PROSER1: variants seen among roughly 807,000 people sequenced by gnomAD.
The protein encoded by PROSER1 is proline and serine-rich protein 1.
PROSER1 carries 36 observed loss-of-function variants against 71.8 expected under a neutral mutation model. The observed-to-expected ratio is 0.50, with a 90% CI of 0.38 to 0.66. The LOEUF (loss-of-function observed/expected upper bound fraction) is 0.66, where lower values mean the gene tolerates loss of function less well. Among genes scored for constraint, PROSER1 ranks in the 30% least tolerant of loss-of-function variants. The pLI is 0.00. For synonymous variants in PROSER1, 490 were observed against 452.4 expected, an observed-to-expected ratio of 1.08 and a Z score of -1.06; for missense variants, 1,107 against 1,135.0, an observed-to-expected ratio of 0.98 and a Z score of 0.35.
chr13:39,027,989 T>A (rs981204341), intron 5 of PROSER1, among the ~76,000 whole-genome samples: 3 of 152,120 alleles, frequency 2.0e-5, no homozygotes, highest in African/African-American at 7.2e-5. Flanking sequence ...AACATTTCCA[T>A]GAGGCTCAAG....
In PROSER1 at chr13:39,029,381, G is replaced by T. The variant is rs762776630; in HGVS notation, c.181-6C>A. On this transcript the variant is annotated splice_region_variant and splice_polypyrimidine_tract_variant and intron_variant, in intron 3 of 12. Transcript: ENST00000352251. ...GGCTGGACAGCCACCATTTTCTGTT[G>T]ATATAAAAAATAATTTTATTTTTAA... 1.4e-6 allele frequency: 2 copies of T among 1,395,576 alleles called. No homozygotes were observed. The highest frequency in any genetic ancestry group is 1.9e-6 in the Non-Finnish European group (2 of 1,055,240). 86.4% of individuals were successfully genotyped at this position (1,395,576 alleles called of 1,614,324 possible). A position where few individuals can be genotyped will look rare whatever the true frequency, so the allele number is the denominator to read the frequency against.
intron 5 of PROSER1, among the ~76,000 whole-genome samples, chr13:39,027,469 C>G (rs146682049): frequency 6.8e-4 from 103 of 152,190 alleles, no homozygotes; most frequent in African/African-American, 2.4e-3. Context: ...GTGACACGAT[C>G]GGAACACTTC....
At chr13:39,019,839 C>A (rs534549527) in intron 9 of PROSER1, among the ~76,000 whole-genome samples, 1 of 151,584 alleles carries the variant, frequency 6.6e-6, no homozygotes, top group Non-Finnish European at 1.5e-5. Flanking sequence ...AAAAGTCTAA[C>A]AGGTTTAAAA....
chr13:39,036,433 A>G (rs1049350567), intron 1 of PROSER1, among the ~76,000 whole-genome samples: 9 of 152,210 alleles, frequency 5.9e-5, no homozygotes, highest in Admixed American at 1.3e-4. Flanking sequence ...TGACGAAAGA[A>G]TAATTGCCCG....
chr13:39,025,177 G>C (rs750949584), intron 6 of PROSER1, among the ~76,000 whole-genome samples: 8 of 152,108 alleles, frequency 5.3e-5, no homozygotes, highest in Non-Finnish European at 1.2e-4. Context: ...AGAAAAAATG[G>C]TGTTCTCTAT....
Position 39,037,429 on chromosome 13 carries a change from A to G in PROSER1, c.-187T>C, listed in dbSNP as rs1226539002. 6.9e-6 allele frequency: 4 copies of G among 577,862 alleles called. No homozygotes were observed. In the South Asian group the frequency reaches 9.3e-5, roughly 13 times the overall value. 35.8% of individuals were successfully genotyped at this position (577,862 alleles called of 1,614,324 possible). A position where few individuals can be genotyped will look rare whatever the true frequency, so the allele number is the denominator to read the frequency against. On this transcript the variant is annotated 5_prime_UTR_variant, in exon 1 of 13. Coordinates refer to ENST00000352251, the MANE Select transcript of PROSER1 (RefSeq NM_025138.5). ...GCAAAAAAAATTTCTAAAAATTGAG[A>G]TTCAGAAAAACTCTTTTTATTAAAA...
At chr13:39,036,258 A>C (rs755320507) in intron 1 of PROSER1, among the ~76,000 whole-genome samples, 3 of 152,264 alleles carry the variant, frequency 2.0e-5, no homozygotes, top group Non-Finnish European at 2.9e-5. Context: ...TCAAATATGA[A>C]AACTTAAACA....
At chr13:39,023,181 C>T (rs1490201045) in intron 7 of PROSER1, 51 bp from the exon 8 acceptor site, 1 of 1,350,044 alleles carries the variant, frequency 7.4e-7, no homozygotes, top group Non-Finnish European at 1.1e-6. Context: ...AGTAAGCTGT[C>T]TCCTGGCAAC....
intron 9 of PROSER1, among the ~76,000 whole-genome samples, chr13:39,018,974 T>C (rs1870151095): frequency 6.6e-6 from 1 of 152,000 alleles, no homozygotes; most frequent in Non-Finnish European, 1.5e-5. Context: ...AAGTTCCCAA[T>C]AAAGAAAATT....
At chr13:39,027,091 T>C (rs1476058179) in intron 5 of PROSER1, among the ~76,000 whole-genome samples, 1 of 152,000 alleles carries the variant, frequency 6.6e-6, no homozygotes, top group Non-Finnish European at 1.5e-5. Context: ...TATACATATG[T>C]GTGTGTATAT....
intron 2 of PROSER1, 83 bp from the exon 3 acceptor site, chr13:39,031,714 GAC>G (rs1870854248): frequency 8.0e-7 from 1 of 1,249,778 alleles, no homozygotes; most frequent in Non-Finnish European, 1.2e-6. Context: ...ATTATAATTC[GAC>G]ACGTGCAGCC....
At position 39,036,813 on chromosome 13, in the gene PROSER1, A is replaced by G. The variant is rs1871133005; in HGVS notation, c.45+385T>C. The stretch of plus-strand genomic sequence containing the variant: ...AAACCCCATCATAATAACTACCATA[A>G]AAGAAACTTTCTGCGTATTACCTCT... On this transcript the variant is annotated intron_variant, in intron 1 of 12. Coordinates refer to ENST00000352251, the MANE Select transcript of PROSER1 (RefSeq NM_025138.5). 2.0e-5 allele frequency among the ~76,000 whole-genome samples: 3 copies of G among 152,208 alleles called. No individual in the cohort carries two copies. In the South Asian group the frequency reaches 6.2e-4, roughly 32 times the overall value.
At chr13:39,026,599 T>C (rs1430486873) in intron 5 of PROSER1, 1 of 451,196 alleles carries the variant, frequency 2.2e-6, no homozygotes, top group Non-Finnish European at 3.9e-6. Context: ...AACATAATAA[T>C]GCTGCAACAG....
intron 9 of PROSER1, 131 bp downstream of exon 9, chr13:39,022,195 C>T: frequency 3.0e-6 from 2 of 668,420 alleles, no homozygotes; most frequent in South Asian, 3.6e-5. Context: ...ACCAAGGATT[C>T]ACTTCCAGAT....
At position 39,034,098 on chromosome 13, in the gene PROSER1, G is replaced by C. The variant is rs748739982; in HGVS notation, c.111+33C>G. The C allele has an allele frequency of 7.5e-6, 11 of 1,461,224 alleles. No homozygotes were observed. In the African/African-American group the frequency reaches 1.3e-4, roughly 17 times the overall value. 90.5% of individuals were successfully genotyped at this position (1,461,224 alleles called of 1,614,324 possible). The stretch of plus-strand genomic sequence containing the variant: ...ATTAACCAGAACATTGGTATAAAAA[G>C]AAAGCTTTGTTTAAACAAATAATGA... On this transcript the variant is annotated intron_variant, in intron 2 of 12. Transcript: ENST00000352251.
intron 10 of PROSER1, 78 bp from the exon 11 acceptor site, chr13:39,014,554 T>C: frequency 9.6e-7 from 1 of 1,036,438 alleles, no homozygotes; most frequent in Non-Finnish European, 1.4e-6. Context: ...AGCATAACCA[T>C]TTTTGTAATA....
chr13:39,018,939 C>A (rs1048592202), intron 9 of PROSER1, among the ~76,000 whole-genome samples: 4 of 152,002 alleles, frequency 2.6e-5, no homozygotes, highest in South Asian at 2.1e-4. Context: ...AAAAAAAATT[C>A]TTTGTAAGCT....
intron 2 of PROSER1, among the ~76,000 whole-genome samples, chr13:39,032,056 G>C (rs1244365563): frequency 6.6e-6 from 1 of 152,144 alleles, no homozygotes; most frequent in Non-Finnish European, 1.5e-5. Context: ...GAGATCAAAT[G>C]TCAGCTCAGG....
In PROSER1 at chr13:39,026,720, CA is replaced by C. The variant is rs1334920215; in HGVS notation, c.370-334del. ...AGCAAGAAATAACAGTTCAAATCTACAAATGCCAAGGTCATGTTACATTTGA... is the reference window on the plus strand; with the variant it reads ...AGCAAGAAATAACAGTTCAAATCTACAATGCCAAGGTCATGTTACATTTGA... On this transcript the variant is annotated intron_variant, in intron 5 of 12. Transcript: ENST00000352251. 2.6e-5 allele frequency among the ~76,000 whole-genome samples: 4 copies of C among 152,102 alleles called. No homozygotes were observed. In the East Asian group the frequency reaches 7.7e-4, roughly 29 times the overall value.
Sources: gnomAD v4.1 joint callset for allele counts (sites outside exome capture counted in the v4.1 genomes callset) on GRCh38, gnomAD v4.1.1 for gene constraint, MANE v1.5 for transcripts, NCBI Gene and HGNC (gene_info 2026-07-23, HGNC 2026-07-21) for gene names.